CAMKMT: variants seen among roughly 807,000 people sequenced by gnomAD.
The protein encoded by CAMKMT is calmodulin-lysine N-methyltransferase, also known as CaM KMT.
A neutral mutation model predicts 48.0 loss-of-function variants in CAMKMT; 53 were observed. The observed-to-expected ratio is 1.10, with a 90% CI of 0.89 to 1.39. The LOEUF (loss-of-function observed/expected upper bound fraction) is 1.39. Ranked by LOEUF, CAMKMT falls within the 40% of genes most tolerant of loss-of-function variation. The pLI is 0.00. For synonymous variants in CAMKMT, 165 were observed against 152.3 expected (o/e 1.08, Z -0.61); for missense variants, 428 against 402.7 (o/e 1.06, Z -0.54).
At chr2:44,513,413 C>A (rs13016493) in intron 3 of CAMKMT, among the ~76,000 whole-genome samples, 69,614 of 152,050 alleles carry the variant, frequency 0.46, 16,914 homozygotes, top group Middle Eastern at 0.57. Flanking sequence ...GGTCAGAGCT[C>A]AATTTGCTAT....
intron 2 of CAMKMT, among the ~76,000 whole-genome samples, chr2:44,373,420 A>T (rs536953307): frequency 1.8e-4 from 28 of 152,302 alleles, no homozygotes; most frequent in Non-Finnish European, 2.8e-4. Context: ...GAGACAAGAG[A>T]GTTACAGACT....
At chr2:44,505,617 A>T (rs193220936) in intron 3 of CAMKMT, among the ~76,000 whole-genome samples, 1 of 152,224 alleles carries the variant, frequency 6.6e-6, no homozygotes, top group East Asian at 1.9e-4. Flanking sequence ...CAGTTGCTCT[A>T]TTCTTTATCA....
intron 3 of CAMKMT, among the ~76,000 whole-genome samples, chr2:44,536,669 A>G (rs964521661): frequency 1.3e-5 from 2 of 152,082 alleles, no homozygotes; most frequent in African/African-American, 4.8e-5. Flanking sequence ...ATAATCCCCA[A>G]ATTTGTATGG....
intron 3 of CAMKMT, among the ~76,000 whole-genome samples, chr2:44,547,943 T>A: frequency 6.6e-6 from 1 of 152,156 alleles, no homozygotes; most frequent in Non-Finnish European, 1.5e-5. Context: ...CTGTCTCTCA[T>A]TGGCTGCTTG....
intron 3 of CAMKMT, among the ~76,000 whole-genome samples, chr2:44,395,399 G>A (rs1040899560): frequency 5.9e-5 from 9 of 151,928 alleles, no homozygotes; most frequent in Non-Finnish European, 1.2e-4. Flanking sequence ...TAGTGTATGT[G>A]TATACATATG....
chr2:44,723,716 G>A (rs1678620513), intron 7 of CAMKMT: 1 of 151,948 alleles, frequency 6.6e-6, no homozygotes, highest in African/African-American at 2.4e-5. Context: ...GTATTTTCTT[G>A]CTTATTTCGT....
At chr2:44,674,753 T>C (rs1312951669) in intron 3 of CAMKMT, among the ~76,000 whole-genome samples, 3 of 152,250 alleles carry the variant, frequency 2.0e-5, no homozygotes, top group Non-Finnish European at 2.9e-5. Flanking sequence ...AAGTGCTAAC[T>C]TGCTTGCAAG....
chr2:44,733,995 A>T (rs562649258), intron 7 of CAMKMT, among the ~76,000 whole-genome samples: 1 of 151,888 alleles, frequency 6.6e-6, no homozygotes, highest in East Asian at 1.9e-4. Flanking sequence ...TATCAATTTT[A>T]TTGATCTCAA....
At chr2:44,418,308 T>C (rs1427173972) in intron 3 of CAMKMT, among the ~76,000 whole-genome samples, 1 of 152,006 alleles carries the variant, frequency 6.6e-6, no homozygotes, top group Admixed American at 6.6e-5. Context: ...AAAAAATCTA[T>C]GAATTTTTTT....
Position 44,656,869 on chromosome 2 carries a change from G to A in CAMKMT, c.377-47414G>A, listed in dbSNP as rs777870486. Among the ~76,000 whole-genome samples the A allele has an allele frequency of 9.8e-4, 149 of 152,102 alleles. 1 individual carries two copies. Among genetic ancestry groups the A allele is most frequent in the Non-Finnish European group, 1.9e-3 (126 of 68,034 alleles). ...ACTTAAACTTATATTCGAACAATGTGATCCCTCTCAAATACACTGGATAAA... is the reference window on the plus strand; with the variant it reads ...ACTTAAACTTATATTCGAACAATGTAATCCCTCTCAAATACACTGGATAAA... On this transcript the variant is annotated intron_variant, in intron 3 of 10. Transcript: ENST00000378494.
At chr2:44,370,585 T>A (rs1270455337) in intron 1 of CAMKMT, among the ~76,000 whole-genome samples, 1 of 152,184 alleles carries the variant, frequency 6.6e-6, no homozygotes, top group East Asian at 1.9e-4. Flanking sequence ...ATCAATCTTT[T>A]CAAAGAAACA....
chr2:44,485,790 A>G (rs698819), intron 3 of CAMKMT, among the ~76,000 whole-genome samples: 12,685 of 152,250 alleles, frequency 0.083, 711 homozygotes, highest in East Asian at 0.24. Flanking sequence ...AGATGACTAT[A>G]CTATATGATT....
In CAMKMT at chr2:44,712,609, GT is replaced by G. The variant is rs533484069; in HGVS notation, c.557-2677del. Among the ~76,000 whole-genome samples the G allele has an allele frequency of 1.8e-3, 267 of 152,252 alleles. 1 individual carries two copies. The highest frequency in any genetic ancestry group is 2.6e-3 in the Non-Finnish European group (174 of 68,002). ...AAACATATATCCTGTAGCTCTGGAA[GT>G]CCAGTTGCCTAGACAAGGGGATTGG... On this transcript the variant is annotated intron_variant, in intron 6 of 10. Transcript: ENST00000378494.
At chr2:44,392,426 T>C (rs1681436924) in intron 3 of CAMKMT, among the ~76,000 whole-genome samples, 1 of 152,112 alleles carries the variant, frequency 6.6e-6, no homozygotes, top group African/African-American at 2.4e-5. Context: ...ATTATGACTT[T>C]TATATAATCT....
intron 8 of CAMKMT, among the ~76,000 whole-genome samples, chr2:44,751,505 T>G (rs1558835407): frequency 6.6e-6 from 1 of 152,192 alleles, no homozygotes; most frequent in African/African-American, 2.4e-5. Flanking sequence ...ATGTGAGGAT[T>G]AAATGAGCTA....
At chr2:44,701,333 G>A (rs1677248706) in intron 3 of CAMKMT, among the ~76,000 whole-genome samples, 1 of 152,030 alleles carries the variant, frequency 6.6e-6, no homozygotes, top group African/African-American at 2.4e-5. Flanking sequence ...CATCCTAGTG[G>A]GTGTGAAGTG....
intron 3 of CAMKMT, among the ~76,000 whole-genome samples, chr2:44,508,623 A>T (rs571498008): frequency 1.3e-5 from 2 of 152,272 alleles, no homozygotes; most frequent in South Asian, 4.2e-4. Flanking sequence ...TATATGTAGG[A>T]TGTGTAGTAA....
chr2:44,435,005 G>A (rs563897861), intron 3 of CAMKMT, among the ~76,000 whole-genome samples: 1 of 152,230 alleles, frequency 6.6e-6, no homozygotes, highest in East Asian at 1.9e-4. Flanking sequence ...GGGCACGTAT[G>A]TTTTCAAATA....
chr2:44,379,432 G>A (rs1200811587), intron 2 of CAMKMT, among the ~76,000 whole-genome samples: 7 of 152,174 alleles, frequency 4.6e-5, no homozygotes, highest in Non-Finnish European at 8.8e-5. Context: ...GTACCCAGGA[G>A]TGGAATTGCT....
Sources: allele counts gnomAD v4.1 joint callset (sites outside exome capture counted in the v4.1 genomes callset), GRCh38; gene constraint gnomAD v4.1.1; transcripts MANE v1.5; gene names NCBI Gene and HGNC (gene_info 2026-07-23, HGNC 2026-07-21).